Variants in CSTPP1 observed in about 807,000 individuals in gnomAD.
CSTPP1 encodes the protein UPF0705 protein C11orf49.
At chr11:47,001,890 C>T in the CSTPP1 span, among the ~76,000 whole-genome samples, 4 of 152,108 alleles carry the variant, frequency 2.6e-5, no homozygotes, top group African/African-American at 9.6e-5. Flanking sequence ...TCAGAACAAA[C>T]CAAGACTTCG....
At chr11:46,941,706 T>G in the CSTPP1 span, among the ~76,000 whole-genome samples, 1 of 152,236 alleles carries the variant, frequency 6.6e-6, no homozygotes, top group Non-Finnish European at 1.5e-5. Context: ...AATAAAATAT[T>G]TCCTGATTTA....
chr11:47,038,392 G>T, the CSTPP1 span, among the ~76,000 whole-genome samples: 1 of 90,258 alleles, frequency 1.1e-5, no homozygotes, highest in Non-Finnish European at 2.7e-5. Flanking sequence ...TCACTTCCCA[G>T]TAGGGGCGGC....
the CSTPP1 span, among the ~76,000 whole-genome samples, chr11:47,146,263 G>A: frequency 4.0e-4 from 60 of 151,772 alleles, no homozygotes; most frequent in Middle Eastern, 0.017. Context: ...TACTTGGGAG[G>A]TTGAGGCAGG....
At chr11:47,136,954 T>C in the CSTPP1 span, among the ~76,000 whole-genome samples, 212 of 152,366 alleles carry the variant, frequency 1.4e-3, no homozygotes, top group African/African-American at 4.4e-3. Flanking sequence ...GGTTCTCTGC[T>C]GGACCACAGA....
chr11:47,124,155 G>T, the CSTPP1 span, among the ~76,000 whole-genome samples: 3 of 103,710 alleles, frequency 2.9e-5, no homozygotes. Context: ...ACAGAGGCTC[G>T]TTCCGTCACC....
chr11:47,164,188 T>A, the CSTPP1 span: 1 of 1,613,858 alleles, frequency 6.2e-7, no homozygotes. Flanking sequence ...CAGGAGGCCC[T>A]GGAGAGAGTG....
the CSTPP1 span, among the ~76,000 whole-genome samples, chr11:47,066,747 G>A: frequency 2.4e-4 from 36 of 152,210 alleles, no homozygotes; most frequent in South Asian, 7.5e-3. Context: ...TTTTCTATTT[G>A]CAAATATCTA....
chr11:47,162,311 C>T, the CSTPP1 span: 1 of 956,336 alleles, frequency 1.0e-6, no homozygotes, highest in Non-Finnish European at 1.2e-6. Context: ...GTTTTCGGTG[C>T]TTTTCTGGTA....
the CSTPP1 span, among the ~76,000 whole-genome samples, chr11:46,994,485 A>C: frequency 6.6e-6 from 1 of 152,206 alleles, no homozygotes; most frequent in African/African-American, 2.4e-5. Context: ...TTTAGCAGGA[A>C]GGGCTGTTGA....
At chr11:46,940,893 G>C in the CSTPP1 span, among the ~76,000 whole-genome samples, 17 of 152,194 alleles carry the variant, frequency 1.1e-4, no homozygotes, top group Non-Finnish European at 2.2e-4. Flanking sequence ...GGTGTTTGCT[G>C]TTTGAATTTT....
At chr11:47,164,075 T>G in the CSTPP1 span, 8 of 1,596,038 alleles carry the variant, frequency 5.0e-6, no homozygotes, top group Non-Finnish European at 2.6e-6. Context: ...TGCCAGCTCT[T>G]TCCTCTGCGT....
chr11:47,032,117 C>T, the CSTPP1 span, among the ~76,000 whole-genome samples: 1 of 152,182 alleles, frequency 6.6e-6, no homozygotes, highest in African/African-American at 2.4e-5. Flanking sequence ...TTTGGCAACA[C>T]CCTCACCGAC....
At chr11:47,003,500 C>G in the CSTPP1 span, among the ~76,000 whole-genome samples, 1 of 152,214 alleles carries the variant, frequency 6.6e-6, no homozygotes, top group Non-Finnish European at 1.5e-5. Flanking sequence ...TCTCTCAGCT[C>G]CCGGCCCCCT....
chr11:47,089,769 C>A, the CSTPP1 span, among the ~76,000 whole-genome samples: 1 of 152,126 alleles, frequency 6.6e-6, no homozygotes, highest in African/African-American at 2.4e-5. Context: ...CAGTATTGAT[C>A]AGGTCAGCAG....
At chr11:47,131,528 C>A in the CSTPP1 span, among the ~76,000 whole-genome samples, 7 of 152,228 alleles carry the variant, frequency 4.6e-5, no homozygotes, top group Non-Finnish European at 8.8e-5. Flanking sequence ...TCATCTAACA[C>A]TCTCTAGGAT....
At chr11:47,078,307 C>T in the CSTPP1 span, among the ~76,000 whole-genome samples, 42 of 152,158 alleles carry the variant, frequency 2.8e-4, no homozygotes, top group African/African-American at 8.7e-4. Context: ...AGTTGAGTGA[C>T]GGAAGCAACG....
chr11:46,991,930 G>A, the CSTPP1 span, among the ~76,000 whole-genome samples: 867 of 152,108 alleles, frequency 5.7e-3, 11 homozygotes, highest in African/African-American at 0.02. Context: ...TACTAGAGAC[G>A]GGGTTTCACC....
chr11:47,116,915 T>C, the CSTPP1 span, among the ~76,000 whole-genome samples: 1 of 152,080 alleles, frequency 6.6e-6, no homozygotes, highest in Non-Finnish European at 1.5e-5. Flanking sequence ...TCTCCTGACC[T>C]CGTGATCTGC....
the CSTPP1 span, among the ~76,000 whole-genome samples, chr11:46,970,791 GCAGT>G: frequency 6.6e-6 from 1 of 152,074 alleles, no homozygotes; most frequent in Non-Finnish European, 1.5e-5. Flanking sequence ...GTCCTGTCAA[GCAGT>G]CAAAGGAAAT....
Sources: gnomAD v4.1 joint callset for allele counts (sites outside exome capture counted in the v4.1 genomes callset) on GRCh38, gnomAD v4.1.1 for gene constraint, MANE v1.5 for transcripts, NCBI Gene and HGNC (gene_info 2026-07-23, HGNC 2026-07-21) for gene names.